The following PRKG1 variants were observed in gnomAD, a reference collection of about 807,000 sequenced individuals.
PRKG1 encodes protein kinase cGMP-dependent 1.
PRKG1 carries 35 observed loss-of-function variants against 88.1 expected under a neutral mutation model. The ratio of observed to expected loss-of-function variants is 0.40; its 90% CI spans 0.30 to 0.53. The LOEUF (loss-of-function observed/expected upper bound fraction) is 0.53. Among genes scored for constraint, PRKG1 ranks in the 20% least tolerant of loss-of-function variants. PRKG1 has a pLI of 0.59. For missense variants in PRKG1, 540 were observed against 839.8 expected, an observed-to-expected ratio of 0.64 and a Z score of 4.41; for synonymous variants, 303 against 292.5, an observed-to-expected ratio of 1.04 and a Z score of -0.37.
intron 10 of PRKG1, among the ~76,000 whole-genome samples, chr10:52,259,959 G>A (rs1476224237): frequency 6.6e-6 from 1 of 151,924 alleles, no homozygotes; most frequent in Non-Finnish European, 1.5e-5. Flanking sequence ...AATCGTATGG[G>A]GGAAGAAGTT....
intron 2 of PRKG1, among the ~76,000 whole-genome samples, chr10:51,249,873 C>G (rs1839385406): frequency 6.6e-6 from 1 of 151,788 alleles, no homozygotes. Context: ...CCAGGTGACA[C>G]ATTTGTAATT....
rs1491105608 is a variant in PRKG1, at chr10:51,858,300, TAA to T, written c.699-49206_699-49205del. 5.0e-4 allele frequency among the ~76,000 whole-genome samples: 7 copies of T among 14,022 alleles called. 3 individuals are homozygous for T. The highest frequency in any genetic ancestry group is 1.6e-3 in the African/African-American group (6 of 3,666). The allele number at this position is 14,022 out of a possible 152,430, so 9.2% of individuals were successfully genotyped here. A position where few individuals can be genotyped will look rare whatever the true frequency, so the allele number is the denominator to read the frequency against. The stretch of plus-strand genomic sequence containing the variant: ...ACATATGTATAATTATACATATGTA[TAA>T]TATATATATGTATAATATGTATTAT... On this transcript the variant is annotated intron_variant, in intron 4 of 17. Transcript: ENST00000373980.
intron 7 of PRKG1, among the ~76,000 whole-genome samples, chr10:52,080,825 T>C (rs1181695211): frequency 6.6e-6 from 1 of 152,216 alleles, no homozygotes; most frequent in Non-Finnish European, 1.5e-5. Context: ...GGTGATATAA[T>C]AGATGCTGTG....
chr10:51,381,141 C>T (rs1837082465), intron 2 of PRKG1, among the ~76,000 whole-genome samples: 1 of 150,858 alleles, frequency 6.6e-6, no homozygotes, highest in Non-Finnish European at 1.5e-5. Flanking sequence ...CCTGTAGTCC[C>T]AGCTACTCAG....
At chr10:51,294,799 C>A (rs1356909787) in intron 2 of PRKG1, among the ~76,000 whole-genome samples, 2 of 152,110 alleles carry the variant, frequency 1.3e-5, no homozygotes, top group African/African-American at 4.8e-5. Flanking sequence ...AGAGGCCAGG[C>A]ACAGTGGCTT....
chr10:51,016,386 T>C (rs1843059782), intron 1 of PRKG1, among the ~76,000 whole-genome samples: 1 of 152,192 alleles, frequency 6.6e-6, no homozygotes, highest in South Asian at 2.1e-4. Context: ...TATGATTGAA[T>C]CAAATTATTA....
At chr10:51,080,078 A>C (rs1844068470) in intron 1 of PRKG1, among the ~76,000 whole-genome samples, 1 of 152,190 alleles carries the variant, frequency 6.6e-6, no homozygotes, top group Non-Finnish European at 1.5e-5. Context: ...ATTCTAATAG[A>C]GTTTCTAATT....
intron 5 of PRKG1, among the ~76,000 whole-genome samples, chr10:52,027,482 A>T (rs989934552): frequency 7.9e-5 from 12 of 152,302 alleles, no homozygotes; most frequent in African/African-American, 2.9e-4. Context: ...TTTATACACA[A>T]CACTTTTTGT....
chr10:51,671,547 T>C (rs1840576819), intron 3 of PRKG1, among the ~76,000 whole-genome samples: 1 of 152,098 alleles, frequency 6.6e-6, no homozygotes, highest in Admixed American at 6.6e-5. Flanking sequence ...CTGCCTTCTG[T>C]ATATTTCTGT....
chr10:51,469,349 C>T (rs1839987089), intron 3 of PRKG1, among the ~76,000 whole-genome samples: 1 of 151,690 alleles, frequency 6.6e-6, no homozygotes, highest in South Asian at 2.1e-4. Context: ...TTGTACACTG[C>T]TTGATACTTT....
chr10:51,113,746 A>AAAC (rs1554837277), intron 1 of PRKG1, among the ~76,000 whole-genome samples: 11 of 143,360 alleles, frequency 7.7e-5, no homozygotes, highest in Non-Finnish European at 7.6e-5. Flanking sequence ...AAAAAAAAAA[A>AAAC]AAACTAAAAG....
intron 2 of PRKG1, among the ~76,000 whole-genome samples, chr10:51,158,574 C>G (rs1343489493): frequency 6.6e-6 from 1 of 151,968 alleles, no homozygotes; most frequent in Non-Finnish European, 1.5e-5. Flanking sequence ...TCTTAGGCCT[C>G]TCTGCATCCT....
chr10:51,211,228 C>T (rs1838209852), intron 2 of PRKG1, among the ~76,000 whole-genome samples: 1 of 152,034 alleles, frequency 6.6e-6, no homozygotes, highest in Non-Finnish European at 1.5e-5. Context: ...ATGACTATCT[C>T]AATAGATGCA....
At chr10:51,884,785 C>G (rs968723447) in intron 4 of PRKG1, among the ~76,000 whole-genome samples, 3 of 152,108 alleles carry the variant, frequency 2.0e-5, no homozygotes, top group African/African-American at 7.2e-5. Context: ...AAGCTACAGG[C>G]CTTTTTATGT....
chr10:51,654,954 CT>C (rs1309233829), intron 3 of PRKG1, among the ~76,000 whole-genome samples: 1 of 152,152 alleles, frequency 6.6e-6, no homozygotes, highest in Admixed American at 6.5e-5. Flanking sequence ...GCTTTTCAAT[CT>C]TTTGTGAGGA....
chr10:51,338,030 A>G (rs960229648), intron 2 of PRKG1, among the ~76,000 whole-genome samples: 1 of 152,256 alleles, frequency 6.6e-6, no homozygotes, highest in Admixed American at 6.5e-5. Context: ...CTGGATAAAG[A>G]AAATGTGGCA....
At chr10:52,161,313 T>C (rs1308404990) in intron 8 of PRKG1, among the ~76,000 whole-genome samples, 1 of 152,108 alleles carries the variant, frequency 6.6e-6, no homozygotes. Context: ...GATTTTTCAC[T>C]CTTCCAAAAT....
chr10:51,434,773 T>G (rs952477060), intron 2 of PRKG1, among the ~76,000 whole-genome samples: 4 of 152,114 alleles, frequency 2.6e-5, no homozygotes, highest in African/African-American at 9.7e-5. Flanking sequence ...CTTCACAGAT[T>G]CTAATTTTCT....
At chr10:51,365,619 A>G (rs1842572619) in intron 2 of PRKG1, among the ~76,000 whole-genome samples, 3 of 152,060 alleles carry the variant, frequency 2.0e-5, no homozygotes, top group Middle Eastern at 3.4e-3. Context: ...GATGCTGAAC[A>G]TCAGGATCAC....
Sources: gnomAD v4.1 joint callset for allele counts (sites outside exome capture counted in the v4.1 genomes callset) on GRCh38, gnomAD v4.1.1 for gene constraint, MANE v1.5 for transcripts, NCBI Gene and HGNC (gene_info 2026-07-23, HGNC 2026-07-21) for gene names.